POF1B: variants seen among roughly 807,000 people sequenced by gnomAD.
POF1B encodes the protein POF1B actin binding protein, also known as protein POF1B.
Under a neutral mutation model 55.3 loss-of-function variants are expected in POF1B, and 53 were observed. The ratio of observed to expected loss-of-function variants is 0.96; its 90% CI spans 0.77 to 1.20. The LOEUF (loss-of-function observed/expected upper bound fraction) is 1.20, where lower values mean the gene tolerates loss of function less well. POF1B is among the 50% of genes most tolerant of loss of function. The pLI is 0.00. For synonymous variants in POF1B, 188 were observed against 148.3 expected (o/e 1.27, Z -1.95); for missense variants, 478 against 420.5 (o/e 1.14, Z -1.20).
At chrX:85,303,300 G>T in intron 15 of POF1B, 106 bp downstream of exon 15, 1 of 485,565 alleles carries the variant, frequency 2.1e-6, no homozygotes, top group Non-Finnish European at 3.3e-6. Context: ...CTGGCCAGCA[G>T]AAAACACCAA....
At chrX:85,347,668 G>T (rs1332335780) in intron 5 of POF1B, among the ~76,000 whole-genome samples, 1 of 110,684 alleles carries the variant, frequency 9.0e-6, no homozygotes, top group African/African-American at 3.3e-5. Flanking sequence ...TTTGAAAAAT[G>T]AAATATATAT....
chrX:85,311,232 TG>T (rs1932688673), intron 9 of POF1B, among the ~76,000 whole-genome samples: 1 of 111,655 alleles, frequency 9.0e-6, no homozygotes, highest in Non-Finnish European at 1.9e-5. Context: ...CTTTAAGTTC[TG>T]GGATACATGT....
chrX:85,288,398 G>T (rs1932102657), intron 15 of POF1B, among the ~76,000 whole-genome samples: 1 of 111,346 alleles, frequency 9.0e-6, no homozygotes, highest in African/African-American at 3.3e-5. Flanking sequence ...CTTGGTCAGA[G>T]AATCTACAAT....
chrX:85,308,155 T>A lies in POF1B; in HGVS notation c.1019A>T (p.Glu340Val). Residue 340 changes from glutamate (E) to valine (V), a missense_variant, in exon 10 of 17, where the codon GAG becomes GTG. By Grantham distance (121) the Glu-to-Val change is moderately radical. Coordinates refer to ENST00000262753, the MANE Select transcript of POF1B (RefSeq NM_024921.4). ...LVLSTFSNIR[E>V]ELGHLQNDMT... ...ATCATTTTGAAGATGTCCAAGCTCC[T>A]CCCGTATGTTGCTAAATGTGGACAG... 8.4e-7 allele frequency: 1 copy of A among 1,194,348 alleles called. No individual in the cohort carries two copies. The highest frequency in any genetic ancestry group is 1.1e-6 in the Non-Finnish European group (1 of 884,285).
chrX:85,351,422 G>C lies in POF1B; in HGVS notation c.468C>G (p.Ser156Arg). 1 of 1,195,373 alleles carries C rather than the reference G, an allele frequency of 8.4e-7. No homozygotes were observed. The highest frequency in any genetic ancestry group is 1.1e-6 in the Non-Finnish European group (1 of 885,055). ...TAACATTGTTTCCTGGGAAGAAATG[G>C]CTTCCTCTTAGGAATTGAGACAGTG... ...QEPLSQFLRG[S>R]HFFPGNNVIY... Residue 156 changes from serine to arginine, a missense_variant, in exon 5 of 17, where the codon AGC (serine) becomes AGG (arginine). Ser to Arg is a moderately radical substitution (Grantham distance 110, BLOSUM62 -1). Transcript: ENST00000262753.
rs757587037 is a variant in POF1B, at chrX:85,299,350, T to G, written c.1649+4056A>C. ...GTCGCCCAGGCTGGAGTGCAGTGGC[T>G]CGATCTCGGCTCACTGCAAGCTCCG... On this transcript the variant is annotated intron_variant, in intron 15 of 16. Coordinates refer to ENST00000262753, the MANE Select transcript of POF1B (RefSeq NM_024921.4). Among the ~76,000 whole-genome samples the G allele has an allele frequency of 3.9e-5, 4 of 101,559 alleles. No homozygotes were observed. In the East Asian group the frequency reaches 9.5e-4, roughly 24 times the overall value. 88.2% of individuals were successfully genotyped at this position (101,559 alleles called of 115,157 possible). A position where few individuals can be genotyped will look rare whatever the true frequency, so the allele number is the denominator to read the frequency against.
At chrX:85,319,219 A>G in intron 7 of POF1B, among the ~76,000 whole-genome samples, 1 of 111,516 alleles carries the variant, frequency 9.0e-6, no homozygotes, top group African/African-American at 3.2e-5. Flanking sequence ...CATTGATTTC[A>G]TATCCTAAAA....
At chrX:85,348,789 T>C (rs2147936696) in intron 5 of POF1B, among the ~76,000 whole-genome samples, 1 of 111,817 alleles carries the variant, frequency 8.9e-6, no homozygotes, top group East Asian at 2.8e-4. Context: ...TCTTTAGTTG[T>C]TCCAGCTGCA....
chrX:85,351,268 G>T, intron 5 of POF1B, 82 bp downstream of exon 5: 1 of 622,440 alleles, frequency 1.6e-6, no homozygotes, highest in Non-Finnish European at 2.4e-6. Context: ...GCACTTCAGA[G>T]TTGAATGTCA....
intron 9 of POF1B, among the ~76,000 whole-genome samples, chrX:85,311,747 C>A (rs2147909347): frequency 8.9e-6 from 1 of 111,811 alleles, no homozygotes; most frequent in African/African-American, 3.3e-5. Context: ...AGTTCTAGAT[C>A]CTTGAGGAAG....
At chrX:85,320,549 A>G (rs2147916309) in intron 7 of POF1B, among the ~76,000 whole-genome samples, 1 of 111,426 alleles carries the variant, frequency 9.0e-6, no homozygotes. Context: ...AGCAAGAGCA[A>G]ACACATTCAA....
At chrX:85,309,358 A>C (rs73627354) in intron 9 of POF1B, among the ~76,000 whole-genome samples, 1,962 of 98,574 alleles carry the variant, frequency 0.02, 43 homozygotes, top group African/African-American at 0.068. Flanking sequence ...GTTGCTTCAC[A>C]AAAAAAAAAA....
chrX:85,315,984 G>A (rs2147912614), intron 7 of POF1B, among the ~76,000 whole-genome samples: 1 of 111,452 alleles, frequency 9.0e-6, no homozygotes, highest in East Asian at 2.8e-4. Context: ...ATATGCAGAA[G>A]TGGTTAGTAC....
At chrX:85,309,116 G>A (rs759605700) in intron 9 of POF1B, among the ~76,000 whole-genome samples, 238 of 111,594 alleles carry the variant, frequency 2.1e-3, no homozygotes, top group African/African-American at 7.5e-3. Flanking sequence ...ATCAGACGTT[G>A]TTTAAGGTTT....
At chrX:85,305,151 G>A (rs1410091639) in intron 13 of POF1B, among the ~76,000 whole-genome samples, 1 of 111,133 alleles carries the variant, frequency 9.0e-6, no homozygotes, top group Non-Finnish European at 1.9e-5. Context: ...TTGATTTTTG[G>A]TAAAAATTAT....
intron 3 of POF1B, among the ~76,000 whole-genome samples, chrX:85,364,681 ATTCT>A (rs1225637633): frequency 9.0e-6 from 1 of 111,043 alleles, no homozygotes; most frequent in African/African-American, 3.3e-5. Flanking sequence ...TGCTGTCAAC[ATTCT>A]TTCTTTCATT....
intron 5 of POF1B, among the ~76,000 whole-genome samples, chrX:85,348,668 T>G (rs1933320319): frequency 1.8e-5 from 2 of 111,441 alleles, no homozygotes. Flanking sequence ...GCTTTCGTGG[T>G]GGTTCCCAAA....
intron 7 of POF1B, among the ~76,000 whole-genome samples, chrX:85,327,132 C>G (rs897875734): frequency 9.1e-6 from 1 of 110,239 alleles, no homozygotes; most frequent in African/African-American, 3.3e-5. Context: ...GCATCTCTCC[C>G]TGCCAACTCA....
chrX:85,367,714 T>C lies in POF1B; in HGVS notation c.335A>G (p.His112Arg). The C allele has an allele frequency of 8.5e-7, 1 of 1,173,578 alleles. No individual in the cohort carries two copies. The highest frequency in any genetic ancestry group is 1.1e-6 in the Non-Finnish European group (1 of 870,023). Reference sequence around the variant, plus strand: ...TACCTGTTCAGTATTTTGGGTTATATGTAGAGTACTTGGGGCACATGTAGA... The same window carrying C: ...TACCTGTTCAGTATTTTGGGTTATACGTAGAGTACTTGGGGCACATGTAGA... ...KISTCAPSTLHITQNTEQELH... is the reference protein window; with the variant it reads ...KISTCAPSTLRITQNTEQELH... Residue 112 changes from histidine (H) to arginine (R), a missense_variant, in exon 3 of 17, where the codon CAT becomes CGT. Coordinates refer to ENST00000262753, the MANE Select transcript of POF1B (RefSeq NM_024921.4).
Sources: gnomAD v4.1 joint callset for allele counts (sites outside exome capture counted in the v4.1 genomes callset) on GRCh38, gnomAD v4.1.1 for gene constraint, MANE v1.5 for transcripts, NCBI Gene and HGNC (gene_info 2026-07-23, HGNC 2026-07-21) for gene names.